The following STON1 variants were observed in gnomAD, a reference collection of about 807,000 sequenced individuals.
STON1 encodes stonin-1.
STON1 carries 79 observed loss-of-function variants against 60.9 expected under a neutral mutation model. That is an observed-to-expected ratio of 1.30 (90% CI 1.08 to 1.56). The LOEUF is 1.56. STON1 is among the 40% of genes most tolerant of loss of function. The pLI is 0.00. For synonymous variants in STON1, 363 were observed against 306.9 expected (o/e 1.18, Z -1.91); for missense variants, 1,166 against 858.9 (o/e 1.36, Z -4.47).
chr2:48,564,566 T>C lies in STON1; in HGVS notation c.-47-16021T>C, dbSNP rs1261171705. ...TTCTTCTTCTTCTTCTTCTTCTTCT[T>C]CTCCTTCTCCTTCTCCTCCTCCTCC... is the stretch of plus-strand genomic sequence containing the variant. On this transcript the variant is annotated intron_variant, in intron 1 of 3. Transcript: ENST00000404752. 8.5e-4 allele frequency among the ~76,000 whole-genome samples: 45 copies of C among 53,184 alleles called. 4 individuals carry two copies. Among genetic ancestry groups the C allele is most frequent in the African/African-American group, 1.5e-3 (20 of 12,934 alleles). 34.9% of individuals were successfully genotyped at this position (53,184 alleles called of 152,430 possible).
Position 48,580,964 on chromosome 2 carries a change from G to C in STON1, c.331G>C (p.Asp111His), listed in dbSNP as rs1340893171. 1 of 1,584,858 alleles carries C rather than the reference G, an allele frequency of 6.3e-7. No individual in the cohort carries two copies. The highest frequency in any genetic ancestry group is 1.9e-5 in the Admixed American group (1 of 53,692). ...TTATCCTATTCCAGAATCATCTTCA[G>C]ACAGCCCACTCGCAATATCAGGAGG... Reference protein sequence around the residue: ...VLYPIPESSSDSPLAISGGES... With the variant: ...VLYPIPESSSHSPLAISGGES... Residue 111 changes from aspartate to histidine, a missense_variant, in exon 2 of 4, where the codon GAC (aspartate) becomes CAC (histidine). Coordinates refer to ENST00000404752, the MANE Select transcript of STON1 (RefSeq NM_006873.4).
At chr2:48,584,911 G>C (rs1394347592) in intron 2 of STON1, among the ~76,000 whole-genome samples, 1 of 152,140 alleles carries the variant, frequency 6.6e-6, no homozygotes, top group Non-Finnish European at 1.5e-5. Context: ...CTATGGGCAG[G>C]ATCCTTCAGG....
intron 1 of STON1, chr2:48,531,171 C>G (rs1035031834): frequency 3.9e-5 from 6 of 152,144 alleles, no homozygotes; most frequent in Non-Finnish European, 8.8e-5. Flanking sequence ...ACCGCAAACA[C>G]GATTACAGCC....
chr2:48,552,072 C>T (rs1672129014), intron 1 of STON1, among the ~76,000 whole-genome samples: 1 of 152,216 alleles, frequency 6.6e-6, no homozygotes, highest in African/African-American at 2.4e-5. Flanking sequence ...TCTGTTGCTG[C>T]AGAGCAGCTA....
At chr2:48,570,706 A>G (rs565750078) in intron 1 of STON1, among the ~76,000 whole-genome samples, 1 of 152,258 alleles carries the variant, frequency 6.6e-6, no homozygotes, top group South Asian at 2.1e-4. Flanking sequence ...AAAATGTCTA[A>G]TAGTCTAAAG....
intron 1 of STON1, among the ~76,000 whole-genome samples, chr2:48,560,854 C>T (rs1402827280): frequency 2.6e-5 from 4 of 152,174 alleles, no homozygotes; most frequent in Non-Finnish European, 5.9e-5. Flanking sequence ...GCCTAGCCTC[C>T]TTGAAATTGG....
At chr2:48,544,100 A>C (rs1178704414) in intron 1 of STON1, among the ~76,000 whole-genome samples, 1 of 152,216 alleles carries the variant, frequency 6.6e-6, no homozygotes, top group East Asian at 1.9e-4. Flanking sequence ...TTTGGCTCAG[A>C]ACATGTTGCT....
rs1347061420 is a variant in STON1 at position 48,594,297 on chromosome 2, T to C, written c.2134-931T>C. Among the ~76,000 whole-genome samples the C allele has an allele frequency of 2.0e-5, 3 of 152,344 alleles. No homozygotes were observed. In the South Asian group the frequency reaches 6.2e-4, roughly 32 times the overall value. On this transcript the variant is annotated intron_variant, in intron 3 of 3. Coordinates refer to ENST00000404752, the MANE Select transcript of STON1 (RefSeq NM_006873.4). Reference sequence around the variant, plus strand: ...AGTGGCATGGAGACTGTGTTTATACTTATTTTCCTATTCACAGGGCATGCC... The same window carrying C: ...AGTGGCATGGAGACTGTGTTTATACCTATTTTCCTATTCACAGGGCATGCC...
intron 1 of STON1, among the ~76,000 whole-genome samples, chr2:48,556,587 C>G (rs1337787967): frequency 4.3e-4 from 2 of 4,650 alleles, no homozygotes; most frequent in African/African-American, 1.6e-3. Flanking sequence ...CCCCACCTCC[C>G]TCCCAGACGG....
intron 1 of STON1, among the ~76,000 whole-genome samples, chr2:48,557,074 AC>A (rs547175576): frequency 0.015 from 897 of 59,292 alleles, 9 homozygotes; most frequent in East Asian, 0.053. Flanking sequence ...CGGGGGGCTG[AC>A]CCCCCCCCAC....
rs376806792 is a variant in STON1 at position 48,553,882 on chromosome 2, C to CA, written c.-48+23669dup. On this transcript the variant is annotated intron_variant, in intron 1 of 3. Transcript: ENST00000404752. ...GATAGCAGTGACTTGTTCAAACTTA[C>CA]AAAGGCAGAGAGAAGCAGAGTTAGA... Among the ~76,000 whole-genome samples the CA allele has an allele frequency of 5.9e-5, 9 of 152,298 alleles. 1 individual carries two copies. Among genetic ancestry groups the CA allele is most frequent in the African/African-American group, 1.9e-4 (8 of 41,578 alleles).
chr2:48,564,480 T>TTCCTTCTTC (rs1558604783), intron 1 of STON1, among the ~76,000 whole-genome samples: 4 of 32,480 alleles, frequency 1.2e-4, no homozygotes, highest in African/African-American at 3.5e-4. Context: ...CTTCTTCTTC[T>TTCCTTCTTC]TTCTTCTTCT....
At chr2:48,537,141 C>T (rs1392976343) in intron 1 of STON1, among the ~76,000 whole-genome samples, 1 of 152,178 alleles carries the variant, frequency 6.6e-6, no homozygotes, top group Non-Finnish European at 1.5e-5. Flanking sequence ...TGGTCCAGTA[C>T]AGTGTTCAAT....
chr2:48,581,785 T>G lies in STON1; in HGVS notation c.1152T>G (p.His384Gln), dbSNP rs1198930837. The change falls in exon 2 of 4, where the codon CAT becomes CAG. Residue 384 changes from histidine (H) to glutamine (Q), a missense_variant. By Grantham distance (24) the His-to-Gln change is conservative. Transcript: ENST00000404752. The stretch of plus-strand genomic sequence containing the variant: ...TGAAGTTGGGGTCCACATCGTACCA[T>G]GACTTCCTTGACTTTCTGACTACTG... Reference protein sequence around the residue: ...QMLKLGSTSYHDFLDFLTTVE... With the variant: ...QMLKLGSTSYQDFLDFLTTVE... 6.2e-7 allele frequency: 1 copy of G among 1,614,054 alleles called. No homozygotes were observed. Among genetic ancestry groups the G allele is most frequent in the Non-Finnish European group, 8.5e-7 (1 of 1,180,042 alleles).
rs1272178992 is a variant in STON1 at position 48,564,638 on chromosome 2, C to T, written c.-47-15949C>T. ...TCCTTCTCCTTCTCCTTCTCTTTCT[C>T]CTTCTCCTTCTTCTTCTTCTTTCTT... On this transcript the variant is annotated intron_variant, in intron 1 of 3. Transcript: ENST00000404752. 2.0e-4 allele frequency among the ~76,000 whole-genome samples: 24 copies of T among 120,170 alleles called. 3 individuals are homozygous for T. Among genetic ancestry groups the T allele is most frequent in the African/African-American group, 6.8e-4 (21 of 30,688 alleles). 78.8% of individuals were successfully genotyped at this position (120,170 alleles called of 152,430 possible).
intron 2 of STON1, among the ~76,000 whole-genome samples, chr2:48,584,057 C>G (rs1674060060): frequency 6.6e-6 from 1 of 152,032 alleles, no homozygotes; most frequent in African/African-American, 2.4e-5. Flanking sequence ...CCCATCCATC[C>G]AAATCTTTAC....
chr2:48,564,544 TTC>T (rs1672821088), intron 1 of STON1, among the ~76,000 whole-genome samples: 1 of 54,064 alleles, frequency 1.8e-5, no homozygotes, highest in Admixed American at 2.0e-4. Context: ...CTTCTTCTTC[TTC>T]TTCTTCTTCT....
chr2:48,551,287 G>C (rs1361662724), intron 1 of STON1, among the ~76,000 whole-genome samples: 3 of 152,184 alleles, frequency 2.0e-5, no homozygotes, highest in African/African-American at 7.2e-5. Context: ...GAGAGGCTTG[G>C]GGACATAGTG....
In STON1 at chr2:48,591,806, A is replaced by T; in HGVS notation, c.2084A>T (p.Asp695Val). ...TEVRSLGVESDVQPQKHVQQR... is the reference protein window; with the variant it reads ...TEVRSLGVESVVQPQKHVQQR... ...GTCAGGTCTCTGGGAGTGGAGAGTG[A>T]TGTCCAGCCACAGAAACATGTTCAG... The change falls in exon 3 of 4, where the codon GAT becomes GTT. Residue 695 changes from aspartate to valine, a missense_variant. Asp to Val is a radical substitution (Grantham distance 152, BLOSUM62 -3). Coordinates refer to ENST00000404752, the MANE Select transcript of STON1 (RefSeq NM_006873.4). The T allele has an allele frequency of 6.2e-7, 1 of 1,614,152 alleles. No homozygotes were observed. The highest frequency in any genetic ancestry group is 1.3e-5 in the African/African-American group (1 of 75,042).
Sources: allele counts gnomAD v4.1 joint callset (sites outside exome capture counted in the v4.1 genomes callset), GRCh38; gene constraint gnomAD v4.1.1; transcripts MANE v1.5; gene names NCBI Gene and HGNC (gene_info 2026-07-23, HGNC 2026-07-21).